Variants in KLRD1 observed in about 807,000 individuals in gnomAD.
The protein encoded by KLRD1 is killer cell lectin like receptor D1, also known as natural killer cells antigen CD94.
Under a neutral mutation model 22.6 loss-of-function variants are expected in KLRD1, and 21 were observed. The ratio of observed to expected loss-of-function variants is 0.93; its 90% CI spans 0.66 to 1.34. KLRD1 has a LOEUF of 1.34. Among genes scored for constraint, KLRD1 ranks in the 40% most tolerant of loss-of-function variants. The pLI, the probability that KLRD1 is intolerant of heterozygous loss-of-function variation, is 0.00. For synonymous variants in KLRD1, 59 were observed against 71.1 expected (o/e 0.83, Z 0.85); for missense variants, 183 against 208.6 (o/e 0.88, Z 0.76).
intron 1 of KLRD1, among the ~76,000 whole-genome samples, chr12:10,288,805 C>CT (rs922292287): frequency 6.6e-6 from 1 of 152,098 alleles, no homozygotes. Flanking sequence ...TTATAAGACT[C>CT]TTTTTTTAAG....
chr12:10,310,864 C>T (rs542387586), intron 3 of KLRD1, among the ~76,000 whole-genome samples: 7 of 152,260 alleles, frequency 4.6e-5, no homozygotes, highest in East Asian at 3.9e-4. Context: ...GTGCCTATGA[C>T]GTGTCATGTT....
At chr12:10,267,634 G>T (rs1030015580) in intron 1 of KLRD1, among the ~76,000 whole-genome samples, 1 of 152,130 alleles carries the variant, frequency 6.6e-6, no homozygotes, top group Non-Finnish European at 1.5e-5. Context: ...GAAATTTGGC[G>T]TAATTATAAG....
intron 1 of KLRD1, among the ~76,000 whole-genome samples, chr12:10,285,281 G>A (rs929352174): frequency 7.2e-5 from 11 of 152,106 alleles, no homozygotes; most frequent in African/African-American, 2.4e-5. Context: ...GTAGAGAGTC[G>A]TGTGACTGAT....
chr12:10,315,278 C>G lies in KLRD1; in HGVS notation c.*485C>G. 2.3e-6 allele frequency: 1 copy of G among 444,122 alleles called. No homozygotes were observed. Among genetic ancestry groups the G allele is most frequent in the East Asian group, 7.8e-5 (1 of 12,842 alleles). The allele number at this position is 444,122 out of a possible 1,614,324, so 27.5% of individuals were successfully genotyped here. A position where few individuals can be genotyped will look rare whatever the true frequency, so the allele number is the denominator to read the frequency against. ...GGACTGCAGGCACCATGTCACTATG[C>G]CCGACTAATTTTTAATTTTTAATTT... On this transcript the variant is annotated 3_prime_UTR_variant, in exon 6 of 6. Coordinates refer to ENST00000336164, the MANE Select transcript of KLRD1 (RefSeq NM_002262.5).
At chr12:10,289,933 C>G (rs998670420) in intron 1 of KLRD1, among the ~76,000 whole-genome samples, 4 of 152,116 alleles carry the variant, frequency 2.6e-5, no homozygotes, top group African/African-American at 9.7e-5. Context: ...CATGCACCAC[C>G]ACACCCAGCT....
chr12:10,312,112 G>T (rs191405107), intron 4 of KLRD1, among the ~76,000 whole-genome samples: 122 of 149,148 alleles, frequency 8.2e-4, no homozygotes, highest in African/African-American at 3.0e-3. Context: ...GAGTGCACTG[G>T]TGCAATTTCA....
At chr12:10,301,552 T>C (rs1949866788), upstream of KLRD1, among the ~76,000 whole-genome samples, 1 of 152,202 alleles carries the variant, frequency 6.6e-6, no homozygotes. Context: ...ATTTTCTTGT[T>C]GTGTGCCTTG....
upstream of KLRD1, chr12:10,304,479 GGT>G (rs1949894524): frequency 6.6e-6 from 1 of 152,124 alleles, no homozygotes; most frequent in East Asian, 1.9e-4. Context: ...GGAGTGCAAT[GGT>G]GCGATCTCAG....
At chr12:10,241,184 A>C (rs1949238179) in intron 1 of KLRD1, among the ~76,000 whole-genome samples, 1 of 152,176 alleles carries the variant, frequency 6.6e-6, no homozygotes, top group Admixed American at 6.5e-5. Context: ...TTGAAAGTTT[A>C]ATTCAATCAT....
intron 3 of KLRD1, 58 bp from the exon 4 acceptor site, chr12:10,311,406 C>T (rs1465652048): frequency 6.7e-7 from 1 of 1,488,094 alleles, no homozygotes; most frequent in South Asian, 1.2e-5. Flanking sequence ...AATTAAATAG[C>T]ATTGAAAAAA....
In KLRD1 at chr12:10,325,504, T is replaced by C. The variant is rs1163420024; in HGVS notation, c.*10711T>C. On this transcript the variant is annotated 3_prime_UTR_variant, in exon 6 of 6. Transcript: ENST00000336164. ...CTTGCATAATTGAGGCTTTATGCCC[T>C]TTGATTAACGACGTCCCATTTTTTC... 6.6e-6 allele frequency: 1 copy of C among 152,218 alleles called. No homozygotes were observed. The highest frequency in any genetic ancestry group is 1.5e-5 in the Non-Finnish European group (1 of 68,028). 9.4% of individuals were successfully genotyped at this position (152,218 alleles called of 1,614,324 possible).
At chr12:10,277,111 AGAG>A (rs1949598969) in intron 1 of KLRD1, among the ~76,000 whole-genome samples, 1 of 146,944 alleles carries the variant, frequency 6.8e-6, no homozygotes, top group South Asian at 2.2e-4. Flanking sequence ...TTGGCCTCAC[AGAG>A]TTTTTTTTTT....
At position 10,315,007 on chromosome 12, in the gene KLRD1, G is replaced by A; in HGVS notation, c.*214G>A. On this transcript the variant is annotated 3_prime_UTR_variant, in exon 6 of 6. Transcript: ENST00000336164. ...TTGAGAATTATAAAATTAACATAAA[G>A]AATTTTGTATTTTCATTTAATGTAT... 1 of 371,248 alleles carries A rather than the reference G, an allele frequency of 2.7e-6. No individual in the cohort carries two copies. The highest frequency in any genetic ancestry group is 4.7e-6 in the Non-Finnish European group (1 of 211,886). 23.0% of individuals were successfully genotyped at this position (371,248 alleles called of 1,614,324 possible).
In KLRD1 at chr12:10,290,948, T is replaced by C. The variant is rs80070352; in HGVS notation, c.-100-17030T>C. ...ATTTCCTGGTTTTGACATTGTACTC[T>C]AGTTATGTAAAATATAGGCATACCT... On this transcript the variant is annotated intron_variant, in intron 1 of 5. Transcript: ENST00000544747. Among the ~76,000 whole-genome samples, 389 of 152,356 alleles carry C rather than the reference T, an allele frequency of 2.6e-3. 1 individual carries two copies. The highest frequency in any genetic ancestry group is 8.9e-3 in the African/African-American group (370 of 41,582).
At chr12:10,287,351 T>A (rs2137662217) in intron 1 of KLRD1, among the ~76,000 whole-genome samples, 1 of 152,282 alleles carries the variant, frequency 6.6e-6, no homozygotes, top group East Asian at 1.9e-4. Flanking sequence ...CACAAATACA[T>A]GCATATATAC....
upstream of KLRD1, among the ~76,000 whole-genome samples, chr12:10,303,897 G>C (rs1949888266): frequency 6.6e-6 from 1 of 152,140 alleles, no homozygotes; most frequent in African/African-American, 2.4e-5. Context: ...GCAAAAGTCT[G>C]TTTAAGTAAA....
rs926251704 is a variant in KLRD1 at position 10,316,204 on chromosome 12, T to G, written c.*1411T>G. On this transcript the variant is annotated 3_prime_UTR_variant, in exon 6 of 6. Transcript: ENST00000336164. Reference sequence around the variant, plus strand: ...GCCTCACCTTTGTTATTTAGTGTACTCCAACCACGGAGTAACATCCCATCA... The same window carrying G: ...GCCTCACCTTTGTTATTTAGTGTACGCCAACCACGGAGTAACATCCCATCA... The G allele has an allele frequency of 6.7e-6, 1 of 149,602 alleles. No individual in the cohort carries two copies. The highest frequency in any genetic ancestry group is 2.5e-5 in the African/African-American group (1 of 40,800). The allele number at this position is 149,602 out of a possible 1,614,324, so 9.3% of individuals were successfully genotyped here.
intron 1 of KLRD1, among the ~76,000 whole-genome samples, chr12:10,239,069 G>T (rs1288109769): frequency 6.6e-6 from 1 of 152,166 alleles, no homozygotes; most frequent in Non-Finnish European, 1.5e-5. Context: ...TTTCACCAAA[G>T]ACTTTTCCTT....
chr12:10,291,896 G>C (rs1949773949), intron 1 of KLRD1, among the ~76,000 whole-genome samples: 1 of 151,992 alleles, frequency 6.6e-6, no homozygotes, highest in Admixed American at 6.6e-5. Context: ...TGTGGTGTTT[G>C]GTTTTCTGTT....
Sources: allele counts gnomAD v4.1 joint callset (sites outside exome capture counted in the v4.1 genomes callset), GRCh38; gene constraint gnomAD v4.1.1; transcripts MANE v1.5; gene names NCBI Gene and HGNC (gene_info 2026-07-23, HGNC 2026-07-21).